The following PCBP3 variants were observed in gnomAD, a reference collection of about 807,000 sequenced individuals.
The protein encoded by PCBP3 is poly(rC) binding protein 3, also known as poly(rC)-binding protein 3.
Under a neutral mutation model 52.7 loss-of-function variants are expected in PCBP3, and 25 were observed. The ratio of observed to expected loss-of-function variants is 0.47; its 90% CI spans 0.35 to 0.66. The LOEUF (loss-of-function observed/expected upper bound fraction) is 0.66. PCBP3 is among the 30% of genes least tolerant of loss of function. PCBP3 has a pLI of 0.01. For synonymous variants in PCBP3, 162 were observed against 183.0 expected (o/e 0.89, Z 0.93); for missense variants, 391 against 490.3 (o/e 0.80, Z 1.91).
At chr21:45,867,456 C>T (rs1009024169) in intron 5 of PCBP3, among the ~76,000 whole-genome samples, 2 of 152,244 alleles carry the variant, frequency 1.3e-5, no homozygotes, top group Non-Finnish European at 2.9e-5. Flanking sequence ...TACGGGGTCC[C>T]TGGCGCACCT....
chr21:45,909,130 G>A (rs541557427), intron 9 of PCBP3, among the ~76,000 whole-genome samples: 45 of 151,882 alleles, frequency 3.0e-4, no homozygotes, highest in African/African-American at 1.1e-3. Context: ...ACTGCGGCAC[G>A]GTGACCATCC....
chr21:45,793,910 A>G (rs2091773189), intron 4 of PCBP3, among the ~76,000 whole-genome samples: 3 of 152,152 alleles, frequency 2.0e-5, no homozygotes, highest in Non-Finnish European at 4.4e-5. Context: ...CATCCCTAAT[A>G]CCCTGACAAA....
intron 5 of PCBP3, among the ~76,000 whole-genome samples, chr21:45,865,950 C>T (rs761387723): frequency 5.3e-4 from 81 of 152,360 alleles, no homozygotes; most frequent in Non-Finnish European, 9.7e-4. Flanking sequence ...GATGCTATGA[C>T]AGGGTCTCCA....
chr21:45,889,563 C>G (rs1208923959), intron 5 of PCBP3, among the ~76,000 whole-genome samples: 1 of 152,212 alleles, frequency 6.6e-6, no homozygotes, highest in Non-Finnish European at 1.5e-5. Flanking sequence ...CCACGGCCAG[C>G]CTCCTCCTCC....
intron 4 of PCBP3, among the ~76,000 whole-genome samples, chr21:45,844,468 C>T (rs545110754): frequency 5.9e-5 from 9 of 152,132 alleles, no homozygotes; most frequent in Admixed American, 2.0e-4. Context: ...AGCATTGTTG[C>T]AGCCGCAGGA....
chr21:45,942,051 C>A lies in PCBP3; in HGVS notation c.*345C>A, dbSNP rs943772284. 1.2e-5 allele frequency: 3 copies of A among 250,520 alleles called. No individual in the cohort carries two copies. Among genetic ancestry groups the A allele is most frequent in the Admixed American group, 1.1e-4 (2 of 17,880 alleles). The allele number at this position is 250,520 out of a possible 1,614,324, so 15.5% of individuals were successfully genotyped here. A position where few individuals can be genotyped will look rare whatever the true frequency, so the allele number is the denominator to read the frequency against. ...CTGGGTCGGCGTTCCGACAGCACTT[C>A]CTGTCCGCCCTTCTCCTCTGCCATC... On this transcript the variant is annotated 3_prime_UTR_variant, in exon 18 of 18. Coordinates refer to ENST00000681687, the MANE Select transcript of PCBP3 (RefSeq NM_001384156.1).
rs2146304202 is a variant in PCBP3 at position 45,788,556 on chromosome 21, C to T, written c.-126+33104C>T. The T allele has an allele frequency of 6.6e-6, 1 of 152,606 alleles. No homozygotes were observed. Among genetic ancestry groups the T allele is most frequent in the African/African-American group, 2.4e-5 (1 of 41,562 alleles). The allele number at this position is 152,606 out of a possible 1,614,324, so 9.5% of individuals were successfully genotyped here. On this transcript the variant is annotated intron_variant, in intron 4 of 17. Coordinates refer to ENST00000681687, the MANE Select transcript of PCBP3 (RefSeq NM_001384156.1). This position sits in a 1 kb window ranked among gnomAD's most constrained non-coding sequence, Gnocchi z 4.3. ...CGCCCTGCCCTCTTTTTTCCCACCC[C>T]ACGGGGCCGATCCTGACTTCTGGTT... is the stretch of plus-strand genomic sequence containing the variant.
chr21:45,906,639 G>A (rs1310096993), intron 9 of PCBP3, among the ~76,000 whole-genome samples: 4 of 152,090 alleles, frequency 2.6e-5, no homozygotes, highest in East Asian at 1.9e-4. Flanking sequence ...ACCCTTACCC[G>A]GAGTCTACAC....
At chr21:45,875,624 C>T (rs2839032) in intron 5 of PCBP3, among the ~76,000 whole-genome samples, 95,371 of 152,034 alleles carry the variant, frequency 0.63, 30,431 homozygotes, top group East Asian at 0.84. Context: ...CATCTACCAG[C>T]AATGGCCAGG....
Position 45,759,301 on chromosome 21 carries a change from G to C in PCBP3, c.-126+3849G>C, listed in dbSNP as rs117111732. Among the ~76,000 whole-genome samples, 359 of 152,170 alleles carry C rather than the reference G, an allele frequency of 2.4e-3. 1 individual carries two copies. The highest frequency in any genetic ancestry group is 4.5e-3 in the Non-Finnish European group (308 of 67,986). ...AAGCAATTTGGGCCTGGAGTTTCTT[G>C]TTGTTGTTGTTGGAGAGTTTTTAAA... On this transcript the variant is annotated intron_variant, in intron 4 of 17. Transcript: ENST00000681687.
At chr21:45,823,888 C>T (rs2093226045) in intron 4 of PCBP3, among the ~76,000 whole-genome samples, 1 of 151,940 alleles carries the variant, frequency 6.6e-6, no homozygotes, top group South Asian at 2.1e-4. Context: ...ATTACAGGCA[C>T]CCACCACCAC....
At chr21:45,886,774 T>C (rs1569440630) in intron 5 of PCBP3, among the ~76,000 whole-genome samples, 1 of 152,164 alleles carries the variant, frequency 6.6e-6, no homozygotes, top group Non-Finnish European at 1.5e-5. Flanking sequence ...TGACCCCGCA[T>C]TGCCTCCACT....
intron 4 of PCBP3, among the ~76,000 whole-genome samples, chr21:45,790,585 G>C (rs1172094363): frequency 6.6e-6 from 1 of 152,160 alleles, no homozygotes; most frequent in African/African-American, 2.4e-5. Flanking sequence ...ACCCAGGCCT[G>C]GGGCGCCCCT....
At chr21:45,784,336 C>CTCTACT (rs1569217611) in intron 4 of PCBP3, among the ~76,000 whole-genome samples, 1 of 76,652 alleles carries the variant, frequency 1.3e-5, no homozygotes, top group Non-Finnish European at 2.6e-5. Flanking sequence ...ATAGTGACAG[C>CTCTACT]TCTACCTCTA....
At chr21:45,852,952 G>C (rs1371900156) in intron 5 of PCBP3, among the ~76,000 whole-genome samples, 1 of 152,238 alleles carries the variant, frequency 6.6e-6, no homozygotes, top group African/African-American at 2.4e-5. Flanking sequence ...AGTACAAAAG[G>C]CTGGTGAAGA....
chr21:45,650,247 A>G (rs1181892986), intron 1 of PCBP3, among the ~76,000 whole-genome samples: 2 of 152,144 alleles, frequency 1.3e-5, no homozygotes, highest in African/African-American at 2.4e-5. Context: ...CTGAGGTTGA[A>G]GGATCACTTA....
At chr21:45,908,432 C>T (rs1476022439) in intron 9 of PCBP3, among the ~76,000 whole-genome samples, 2 of 152,242 alleles carry the variant, frequency 1.3e-5, no homozygotes, top group Admixed American at 1.3e-4. Context: ...ATCCTATTTC[C>T]TTGCTAGTCT....
At chr21:45,901,717 G>GAGAA (rs56827471) in intron 9 of PCBP3, 2 of 127,502 alleles carry the variant, frequency 1.6e-5, no homozygotes, top group African/African-American at 3.0e-5. Context: ...AAGACAGAGA[G>GAGAA]AGAGAGATGA....
rs1209690260 is a variant in PCBP3 at position 45,654,813 on chromosome 21, C to T, written c.-279+10945C>T. On this transcript the variant is annotated intron_variant, in intron 1 of 17. Transcript: ENST00000681687. The stretch of plus-strand genomic sequence containing the variant: ...CAAGGTCATGCAACTGTCATTACTA[C>T]ATAATTCCAGAACATTTTCTTCACT... Among the ~76,000 whole-genome samples, 8 of 152,116 alleles carry T rather than the reference C, an allele frequency of 5.3e-5. No homozygotes were observed. In the South Asian group the frequency reaches 1.5e-3, roughly 28 times the overall value.
Sources: allele counts gnomAD v4.1 joint callset (sites outside exome capture counted in the v4.1 genomes callset), GRCh38; gene constraint gnomAD v4.1.1; non-coding constraint Gnocchi (gnomAD v3.1); transcripts MANE v1.5; gene names NCBI Gene and HGNC (gene_info 2026-07-23, HGNC 2026-07-21).